The following CLN5 variants were observed in gnomAD, a reference collection of about 807,000 sequenced individuals.
CLN5 encodes the protein bis(monoacylglycero)phosphate synthase CLN5.
CLN5 carries 34 observed loss-of-function variants against 36.7 expected under a neutral mutation model. The ratio of observed to expected loss-of-function variants is 0.93; its 90% CI spans 0.71 to 1.23. CLN5 has a LOEUF of 1.23. CLN5 is among the 50% of genes most tolerant of loss of function. The pLI is 0.00. For synonymous variants in CLN5, 151 were observed against 155.1 expected, an observed-to-expected ratio of 0.97 and a Z score of 0.20; for missense variants, 427 against 439.4, an observed-to-expected ratio of 0.97 and a Z score of 0.25.
intron 1 of CLN5, chr13:76,994,761 G>A (rs1162605381): frequency 1.1e-5 from 3 of 271,498 alleles, no homozygotes; most frequent in Non-Finnish European, 2.1e-5. Context: ...GTAAACATTT[G>A]CAAATGTCTA....
Position 77,004,937 on chromosome 13 carries a change from G to A in CLN5, c.*3968G>A, listed in dbSNP as rs2034424930. 6.6e-6 allele frequency: 1 copy of A among 152,010 alleles called. No individual in the cohort carries two copies. 9.4% of individuals were successfully genotyped at this position (152,010 alleles called of 1,614,324 possible). On this transcript the variant is annotated 3_prime_UTR_variant, in exon 4 of 4. Coordinates refer to ENST00000377453, the MANE Select transcript of CLN5 (RefSeq NM_006493.4). ...CATTTATCTCTAAAAAGACTGGTTG[G>A]GTTCAAGGACCCTTAAAGACTGATT...
In CLN5 at chr13:77,000,580, G is replaced by A. The variant is rs28940280; in HGVS notation, c.688G>A (p.Asp230Asn). ...GGCAGAGACATGGTTTGATTCCTAC[G>A]ACTGTTCCAAATTTGTGTTAAGGAC... ...KGAETWFDSYDCSKFVLRTFN... is the reference protein window; with the variant it reads ...KGAETWFDSYNCSKFVLRTFN... Residue 230 changes from aspartate (D) to asparagine (N), a missense_variant, in exon 4 of 4, where the codon GAC becomes AAC. Coordinates refer to ENST00000377453, the MANE Select transcript of CLN5 (RefSeq NM_006493.4). The A allele has an allele frequency of 2.5e-6, 4 of 1,614,080 alleles. No homozygotes were observed. Among genetic ancestry groups the A allele is most frequent in the Middle Eastern group, 1.6e-4 (1 of 6,062 alleles).
chr13:77,004,821 C>T lies in CLN5; in HGVS notation c.*3852C>T, dbSNP rs2154035650. On this transcript the variant is annotated 3_prime_UTR_variant, in exon 4 of 4. Coordinates refer to ENST00000377453, the MANE Select transcript of CLN5 (RefSeq NM_006493.4). ...ATACCTATTTTTTCTGATATGGTTA[C>T]AACAGCCCAAATTACCAAGATAAGT... 6.6e-6 allele frequency: 1 copy of T among 152,198 alleles called. No homozygotes were observed. Among genetic ancestry groups the T allele is most frequent in the Admixed American group, 6.5e-5 (1 of 15,292 alleles). The allele number at this position is 152,198 out of a possible 1,614,324, so 9.4% of individuals were successfully genotyped here.
rs751611392 is a variant in CLN5, at chr13:76,995,222, A to G, written c.333A>G (p.Gly111=). ...VWEFKYGDLL[G]HLKIMHDAIG... The stretch of plus-strand genomic sequence containing the variant: ...AATTTAAATATGGAGACCTCCTGGG[A>G]CACTTGGTAAGGATGCATCTTGGTC... The change falls in exon 2 of 4, where the codon GGA becomes GGG. Residue 111 remains glycine (G), a synonymous_variant. Transcript: ENST00000377453. The G allele has an allele frequency of 3.1e-6, 5 of 1,613,908 alleles. No homozygotes were observed. The highest frequency in any genetic ancestry group is 3.4e-6 in the Non-Finnish European group (4 of 1,179,924).
At chr13:76,995,423 A>G (rs1421878019) in intron 2 of CLN5, 195 bp downstream of exon 2, 1 of 618,408 alleles carries the variant, frequency 1.6e-6, no homozygotes. Context: ...TGTAATCACC[A>G]TTATCCATTG....
chr13:76,994,213 T>G (rs185375966), intron 1 of CLN5: 18 of 152,316 alleles, frequency 1.2e-4, no homozygotes, highest in African/African-American at 4.1e-4. Context: ...AGTGACAAAA[T>G]GACAGCCCCT....
intron 1 of CLN5, 79 bp from the exon 2 acceptor site, chr13:76,994,984 T>C (rs2034240084): frequency 3.6e-6 from 5 of 1,380,808 alleles, no homozygotes; most frequent in Admixed American, 3.7e-5. Context: ...CCCCTAAAAA[T>C]GTTACTGGAT....
Position 76,995,754 on chromosome 13 carries a change from G to C in CLN5, c.340-148G>C, listed in dbSNP as rs141638091. ...AGGGCCTGGAGTTTGGGGCCACAGA[G>C]TGGATATGACAGTAGCAGCATGGAA... On this transcript the variant is annotated intron_variant, in intron 2 of 3. Coordinates refer to ENST00000377453, the MANE Select transcript of CLN5 (RefSeq NM_006493.4). 239 of 719,226 alleles carry C rather than the reference G, an allele frequency of 3.3e-4. No individual in the cohort carries two copies. The African/African-American group carries it at 3.8e-3, about 11-fold the overall frequency. The allele number at this position is 719,226 out of a possible 1,614,324, so 44.6% of individuals were successfully genotyped here. A position where few individuals can be genotyped will look rare whatever the true frequency, so the allele number is the denominator to read the frequency against.
At chr13:76,994,441 T>G (rs1209060914) in intron 1 of CLN5, 1 of 152,514 alleles carries the variant, frequency 6.6e-6, no homozygotes, top group Non-Finnish European at 1.5e-5. Context: ...TTAACAATGA[T>G]TTGTCCTTCC....
chr13:76,995,079 C>G lies in CLN5; in HGVS notation c.190C>G (p.Pro64Ala). 2 of 1,613,964 alleles carry G rather than the reference C, an allele frequency of 1.2e-6. No homozygotes were observed. The highest frequency in any genetic ancestry group is 1.7e-6 in the Non-Finnish European group (2 of 1,179,988). Residue 64 changes from proline (P) to alanine (A), a missense_variant, in exon 2 of 4, where the codon CCA (proline) becomes GCA (alanine). Transcript: ENST00000377453. ...CTTTATTAGGCGCTTTGACTTCCGT[C>G]CAAAACCTGATCCTTATTGTCAAGC... is the stretch of plus-strand genomic sequence containing the variant. Reference protein sequence around the residue: ...PVPYKRFDFRPKPDPYCQAKY... With the variant: ...PVPYKRFDFRAKPDPYCQAKY...
Position 76,995,986 on chromosome 13 carries a change from G to C in CLN5, c.424G>C (p.Gly142Arg), listed in dbSNP as rs201464545. The C allele has an allele frequency of 2.0e-5, 33 of 1,614,160 alleles. No individual in the cohort carries two copies. In the East Asian group the frequency reaches 4.5e-4, roughly 22 times the overall value. Residue 142 changes from glycine (G) to arginine (R), a missense_variant, in exon 3 of 4, where the codon GGC becomes CGC. Coordinates refer to ENST00000377453, the MANE Select transcript of CLN5 (RefSeq NM_006493.4). Reference sequence around the variant, plus strand: ...GGAATGGTATGAACTTTTCCAACTTGGCAACTGTACATTTCCCCATCTCCG... The same window carrying C: ...GGAATGGTATGAACTTTTCCAACTTCGCAACTGTACATTTCCCCATCTCCG... The part of the protein sequence containing the change: ...TMEWYELFQL[G>R]NCTFPHLRPE...
In CLN5 at chr13:76,992,531, G is replaced by A. The variant is rs1593907777; in HGVS notation, c.173+260G>A. On this transcript the variant is annotated intron_variant, in intron 1 of 3. Coordinates refer to ENST00000377453, the MANE Select transcript of CLN5 (RefSeq NM_006493.4). ...AGACTCAGGACAGTCCTGAATCGTG[G>A]AAGAAGAAAAGGAGAGTAATGTTAT... 10 of 535,922 alleles carry A rather than the reference G, an allele frequency of 1.9e-5. No homozygotes were observed. The East Asian group carries it at 3.3e-4, about 18-fold the overall frequency. 33.2% of individuals were successfully genotyped at this position (535,922 alleles called of 1,614,324 possible). A position where few individuals can be genotyped will look rare whatever the true frequency, so the allele number is the denominator to read the frequency against.
In CLN5 at chr13:77,001,287, C is replaced by A; in HGVS notation, c.*318C>A. The A allele has an allele frequency of 5.7e-6, 1 of 174,490 alleles. No individual in the cohort carries two copies. The highest frequency in any genetic ancestry group is 1.2e-5 in the Non-Finnish European group (1 of 83,936). 10.8% of individuals were successfully genotyped at this position (174,490 alleles called of 1,614,324 possible). ...GGTCCTACAGATAGATATGGTGTGC[C>A]CAGATTTTAAAAATACCTTCAAAAA... On this transcript the variant is annotated 3_prime_UTR_variant, in exon 4 of 4. Transcript: ENST00000377453.
intron 2 of CLN5, 73 bp from the exon 3 acceptor site, chr13:76,995,829 T>G: frequency 9.1e-7 from 1 of 1,095,416 alleles, no homozygotes; most frequent in South Asian, 1.2e-5. Context: ...ATGTGCCACA[T>G]TTTCTCCTAT....
chr13:76,995,470 C>A (rs1047356464), intron 2 of CLN5: 6 of 535,344 alleles, frequency 1.1e-5, no homozygotes, highest in Non-Finnish European at 2.0e-5. Flanking sequence ...CTGTACCTAG[C>A]TCCTGGAAGG....
At chr13:76,992,324 G>C (rs1355700033) in intron 1 of CLN5, 53 bp downstream of exon 1, 11 of 1,469,128 alleles carry the variant, frequency 7.5e-6, no homozygotes, top group Non-Finnish European at 1.0e-5. Context: ...TTGACGATGG[G>C]GGATGGGGTG....
At chr13:76,996,217 T>G in intron 3 of CLN5, 90 bp downstream of exon 3, 1 of 1,131,882 alleles carries the variant, frequency 8.8e-7, no homozygotes, top group Non-Finnish European at 1.3e-6. Context: ...ATTTCAGTAA[T>G]GTTTTACTTA....
rs573182355 is a variant in CLN5, at chr13:77,002,370, G to C, written c.*1401G>C. ...CACTATAGTACAGGCTTTTAGCACCGAAGTGTGGTCCTCAGACCAGTGCCT... is the reference window on the plus strand; with the variant it reads ...CACTATAGTACAGGCTTTTAGCACCCAAGTGTGGTCCTCAGACCAGTGCCT... On this transcript the variant is annotated 3_prime_UTR_variant, in exon 4 of 4. Transcript: ENST00000377453. 6.6e-6 allele frequency: 1 copy of C among 152,198 alleles called. No individual in the cohort carries two copies. The highest frequency in any genetic ancestry group is 6.5e-5 in the Admixed American group (1 of 15,282). 9.4% of individuals were successfully genotyped at this position (152,198 alleles called of 1,614,324 possible).
In CLN5 at chr13:77,000,845, A is replaced by G; in HGVS notation, c.953A>G (p.His318Arg). 1.9e-6 allele frequency: 3 copies of G among 1,605,018 alleles called. No homozygotes were observed. The highest frequency in any genetic ancestry group is 1.7e-6 in the Non-Finnish European group (2 of 1,176,958). The change falls in exon 4 of 4, where the codon CAC (histidine) becomes CGC (arginine). Residue 318 changes from histidine (H) to arginine (R), a missense_variant. By Grantham distance (29) the His-to-Arg change is conservative. Transcript: ENST00000377453. ...CAAATTTTTGATGCAGTGATTGTGC[A>G]CAAACAGTTCTATTTGTTTTATAAT... ...LLQIFDAVIV[H>R]KQFYLFYNFE...
Sources: allele counts gnomAD v4.1 joint callset, GRCh38; gene constraint gnomAD v4.1.1; transcripts MANE v1.5; gene names NCBI Gene and HGNC (gene_info 2026-07-23, HGNC 2026-07-21).